Variants in DLGAP2 observed in about 807,000 individuals in gnomAD.
The protein encoded by DLGAP2 is DLG associated protein 2, also known as disks large-associated protein 2.
A neutral mutation model predicts 100.3 loss-of-function variants in DLGAP2; 26 were observed. The observed-to-expected ratio is 0.26, with a 90% CI of 0.19 to 0.36. The LOEUF (loss-of-function observed/expected upper bound fraction) is 0.36. Ranked by LOEUF, DLGAP2 falls within the 10% of genes least tolerant of loss-of-function variation. The probability of loss-of-function intolerance (pLI) is 1.00; values close to 1 mark genes in which losing one functional copy is unlikely to be tolerated. For missense variants in DLGAP2, 1,858 were observed against 1,453.2 expected (o/e 1.28, Z -4.53); for synonymous variants, 886 against 630.1 (o/e 1.41, Z -6.08).
intron 1 of DLGAP2, among the ~76,000 whole-genome samples, chr8:905,463 C>T (rs1683090439): frequency 6.6e-6 from 1 of 152,138 alleles, no homozygotes; most frequent in African/African-American, 2.4e-5. Flanking sequence ...CCCCCCACAG[C>T]CCTTTTTCAA....
chr8:1,022,280 C>T (rs984453293), intron 2 of DLGAP2, among the ~76,000 whole-genome samples: 7 of 148,124 alleles, frequency 4.7e-5, no homozygotes, highest in African/African-American at 1.5e-4. Context: ...GTGGACACTC[C>T]CGTGCCGAGG....
At chr8:1,226,466 C>T (rs915462080) in intron 2 of DLGAP2, among the ~76,000 whole-genome samples, 5 of 152,024 alleles carry the variant, frequency 3.3e-5, no homozygotes, top group South Asian at 2.1e-4. Context: ...CACACAGGGG[C>T]CTGTCAGGGG....
chr8:1,476,721 G>A lies in DLGAP2; in HGVS notation c.107-24645G>A, dbSNP rs1798940553. On this transcript the variant is annotated intron_variant, in intron 3 of 14. Transcript: ENST00000637795. Reference sequence around the variant, plus strand: ...CACCCTTGATGGCTGAGTGCTGTCAGCCACCCACTAGCCCGTTCTGCAGAC... The same window carrying A: ...CACCCTTGATGGCTGAGTGCTGTCAACCACCCACTAGCCCGTTCTGCAGAC... Among the ~76,000 whole-genome samples, 5 of 150,768 alleles carry A rather than the reference G, an allele frequency of 3.3e-5. 1 individual carries two copies. In the South Asian group the frequency reaches 1.0e-3, roughly 32 times the overall value.
chr8:1,672,063 A>G (rs1472706293), intron 10 of DLGAP2, among the ~76,000 whole-genome samples: 1 of 151,968 alleles, frequency 6.6e-6, no homozygotes, highest in Non-Finnish European at 1.5e-5. Context: ...TTTTGTGTGC[A>G]TGTGTGTGTT....
intron 2 of DLGAP2, among the ~76,000 whole-genome samples, chr8:1,189,487 A>G (rs1046555070): frequency 5.9e-5 from 9 of 152,224 alleles, no homozygotes; most frequent in Non-Finnish European, 2.9e-5. Context: ...TTATCCACTC[A>G]AGCAACTAGT....
intron 3 of DLGAP2, among the ~76,000 whole-genome samples, chr8:1,498,379 TAA>T (rs55865222): frequency 0.031 from 4,646 of 148,898 alleles, 173 homozygotes; most frequent in East Asian, 0.11. Flanking sequence ...GCAAAATAAA[TAA>T]AAAAAAAAAA....
chr8:850,251 T>C (rs1179093111), intron 1 of DLGAP2, among the ~76,000 whole-genome samples: 4 of 152,166 alleles, frequency 2.6e-5, no homozygotes, highest in African/African-American at 7.2e-5. Context: ...ATTTTAATTT[T>C]CATAATGTCC....
intron 4 of DLGAP2, among the ~76,000 whole-genome samples, chr8:1,520,233 C>T (rs1800544658): frequency 6.6e-6 from 1 of 152,164 alleles, no homozygotes; most frequent in Non-Finnish European, 1.5e-5. Flanking sequence ...CTGCAGGCCC[C>T]CACCCCGGAG....
chr8:1,280,387 A>G (rs1332081799), intron 3 of DLGAP2, among the ~76,000 whole-genome samples: 1 of 152,238 alleles, frequency 6.6e-6, no homozygotes, highest in Non-Finnish European at 1.5e-5. Context: ...TACCTGCGTC[A>G]TAATACTTAT....
chr8:826,751 C>A (rs1318799291), intron 1 of DLGAP2, among the ~76,000 whole-genome samples: 1 of 152,128 alleles, frequency 6.6e-6, no homozygotes, highest in Non-Finnish European at 1.5e-5. Flanking sequence ...GACCTCAGTG[C>A]TGTGTTTCTT....
At position 1,504,799 on chromosome 8, in the gene DLGAP2, G is replaced by T. The variant is rs541720429; in HGVS notation, c.172+3368G>T. Among the ~76,000 whole-genome samples, 10 of 152,258 alleles carry T rather than the reference G, an allele frequency of 6.6e-5. No homozygotes were observed. The South Asian group carries it at 2.1e-3, about 32-fold the overall frequency. ...TGCTGATGGGCTTGAGGTTGGTTCT[G>T]CGTGTTGGCTGTGGTGAACAGCATC... On this transcript the variant is annotated intron_variant, in intron 4 of 14. Coordinates refer to ENST00000637795, the MANE Select transcript of DLGAP2 (RefSeq NM_001346810.2).
chr8:1,523,358 G>A (rs181565469), intron 4 of DLGAP2, among the ~76,000 whole-genome samples: 71 of 152,318 alleles, frequency 4.7e-4, no homozygotes, highest in African/African-American at 1.6e-3. Context: ...TTCCCACCCC[G>A]CGCCTCACAG....
chr8:1,477,972 T>C (rs1798982338), intron 3 of DLGAP2, among the ~76,000 whole-genome samples: 1 of 152,192 alleles, frequency 6.6e-6, no homozygotes, highest in African/African-American at 2.4e-5. Context: ...GGGGATTATC[T>C]GCTGGTTTAG....
intron 2 of DLGAP2, among the ~76,000 whole-genome samples, chr8:972,439 C>G (rs2129012438): frequency 6.6e-6 from 1 of 152,206 alleles, no homozygotes; most frequent in East Asian, 1.9e-4. Flanking sequence ...GATGGAAACT[C>G]TAAGAAAATC....
At chr8:1,317,776 CGAG>C (rs749293572) in intron 3 of DLGAP2, among the ~76,000 whole-genome samples, 25 of 104,600 alleles carry the variant, frequency 2.4e-4, no homozygotes, top group Non-Finnish European at 3.8e-4. Context: ...GGTCTACACT[CGAG>C]ACACTCGTCA....
intron 1 of DLGAP2, among the ~76,000 whole-genome samples, chr8:803,151 G>C (rs1796204214): frequency 6.6e-6 from 1 of 152,056 alleles, no homozygotes; most frequent in Non-Finnish European, 1.5e-5. Context: ...GCATTTGTGT[G>C]TCTAGACTTT....
intron 2 of DLGAP2, among the ~76,000 whole-genome samples, chr8:1,199,768 A>G (rs1301993516): frequency 6.6e-6 from 1 of 152,148 alleles, no homozygotes; most frequent in African/African-American, 2.4e-5. Flanking sequence ...CTCTTGCATG[A>G]TGGAAGGTGT....
At chr8:1,471,733 G>A (rs780011601) in intron 3 of DLGAP2, among the ~76,000 whole-genome samples, 2 of 152,088 alleles carry the variant, frequency 1.3e-5, no homozygotes, top group Admixed American at 6.5e-5. Flanking sequence ...AGCTGGTGAC[G>A]GACCATGCTG....
intron 2 of DLGAP2, among the ~76,000 whole-genome samples, chr8:1,241,686 T>C (rs1476230678): frequency 6.6e-6 from 1 of 152,104 alleles, no homozygotes; most frequent in Non-Finnish European, 1.5e-5. Context: ...TGTATAATTT[T>C]AATTTTTCAG....
Sources: gnomAD v4.1 joint callset for allele counts (sites outside exome capture counted in the v4.1 genomes callset) on GRCh38, gnomAD v4.1.1 for gene constraint, MANE v1.5 for transcripts, NCBI Gene and HGNC (gene_info 2026-07-23, HGNC 2026-07-21) for gene names.